The following PPP1R9A variants were observed in gnomAD, a reference collection of about 807,000 sequenced individuals.
PPP1R9A encodes the protein protein phosphatase 1 regulatory subunit 9A.
Under a neutral mutation model 141.9 loss-of-function variants are expected in PPP1R9A, and 59 were observed. The observed-to-expected ratio is 0.42, with a 90% CI of 0.34 to 0.52. PPP1R9A has a LOEUF of 0.52. Ranked by LOEUF, PPP1R9A falls within the 20% of genes least tolerant of loss-of-function variation. The probability of loss-of-function intolerance (pLI) is 0.10; values close to 1 mark genes in which losing one functional copy is unlikely to be tolerated. For missense variants in PPP1R9A, 1,444 were observed against 1,611.9 expected, an observed-to-expected ratio of 0.90 and a Z score of 1.78; for synonymous variants, 500 against 569.7, an observed-to-expected ratio of 0.88 and a Z score of 1.74.
chr7:95,129,445 C>T (rs1457925359), intron 4 of PPP1R9A, among the ~76,000 whole-genome samples: 1 of 152,130 alleles, frequency 6.6e-6, no homozygotes, highest in African/African-American at 2.4e-5. Flanking sequence ...ACTATAAGTC[C>T]AATAAACCTT....
intron 2 of PPP1R9A, among the ~76,000 whole-genome samples, chr7:94,995,980 A>G (rs921386286): frequency 3.3e-5 from 5 of 152,174 alleles, no homozygotes; most frequent in Non-Finnish European, 4.4e-5. Flanking sequence ...CTTGCTTTAA[A>G]AAGTTTTGAA....
At chr7:95,150,703 T>C (rs1186880319) in intron 4 of PPP1R9A, among the ~76,000 whole-genome samples, 1 of 152,138 alleles carries the variant, frequency 6.6e-6, no homozygotes, top group East Asian at 1.9e-4. Context: ...TTGTGATAAG[T>C]AGTGTTAACG....
At position 95,292,466 on chromosome 7, in the gene PPP1R9A, A is replaced by G. The variant is rs550151602; in HGVS notation, c.*2163A>G. ...TCTTAAGTTATGTTTACACTTTGGT[A>G]ATATTTGAAAATGGATGTATATACT... On this transcript the variant is annotated 3_prime_UTR_variant, in exon 20 of 20. Transcript: ENST00000433360. 5.9e-5 allele frequency: 9 copies of G among 152,698 alleles called. 1 individual carries two copies. The highest frequency in any genetic ancestry group is 2.2e-4 in the African/African-American group (9 of 41,550). 9.5% of individuals were successfully genotyped at this position (152,698 alleles called of 1,614,324 possible). A position where few individuals can be genotyped will look rare whatever the true frequency, so the allele number is the denominator to read the frequency against.
At chr7:94,929,271 GACGGACACGT>G (rs1161811188) in intron 2 of PPP1R9A, among the ~76,000 whole-genome samples, 2 of 152,306 alleles carry the variant, frequency 1.3e-5, no homozygotes, top group East Asian at 3.9e-4. Context: ...GCTTGGGAGA[GACGGACACGT>G]AAGTCACAAT....
intron 2 of PPP1R9A, among the ~76,000 whole-genome samples, chr7:95,026,806 A>G (rs1418897908): frequency 6.6e-6 from 1 of 152,124 alleles, no homozygotes; most frequent in Non-Finnish European, 1.5e-5. Context: ...CTGGAGAGGC[A>G]GTCTGGCTAC....
intron 13 of PPP1R9A, among the ~76,000 whole-genome samples, chr7:95,268,921 T>C (rs854523): frequency 0.5 from 75,997 of 152,030 alleles, 19,298 homozygotes; most frequent in Middle Eastern, 0.61. Context: ...GAGCATTATC[T>C]GTATTGTCAT....
At chr7:94,923,348 T>C (rs1793078051) in intron 2 of PPP1R9A, among the ~76,000 whole-genome samples, 1 of 152,230 alleles carries the variant, frequency 6.6e-6, no homozygotes, top group African/African-American at 2.4e-5. Flanking sequence ...AACATGTACT[T>C]AAAGGAAACT....
intron 2 of PPP1R9A, among the ~76,000 whole-genome samples, chr7:95,103,848 G>T (rs60242774): frequency 6.6e-6 from 1 of 152,088 alleles, no homozygotes; most frequent in South Asian, 2.1e-4. Flanking sequence ...TCCCTAGATT[G>T]GTTGGTAAAG....
chr7:95,187,933 A>C (rs868199435), intron 5 of PPP1R9A, among the ~76,000 whole-genome samples: 2 of 152,086 alleles, frequency 1.3e-5, no homozygotes, highest in African/African-American at 4.8e-5. Flanking sequence ...TTATTGGTCT[A>C]TCTTCGAGAA....
chr7:95,225,955 T>C lies in PPP1R9A; in HGVS notation c.1957-6T>C. 6.3e-7 allele frequency: 1 copy of C among 1,595,534 alleles called. No homozygotes were observed. The highest frequency in any genetic ancestry group is 8.6e-7 in the Non-Finnish European group (1 of 1,165,372). ...AGCTGGATTTCTGAAATCCCCTTCC[T>C]TTCAGACAGGAGAATATGCCACAGA... On this transcript the variant is annotated splice_region_variant and splice_polypyrimidine_tract_variant and intron_variant, in intron 7 of 19. Coordinates refer to ENST00000433360, the MANE Select transcript of PPP1R9A (RefSeq NM_001166160.2).
At chr7:95,083,365 CACATT>C (rs1563213202) in intron 2 of PPP1R9A, among the ~76,000 whole-genome samples, 1 of 151,836 alleles carries the variant, frequency 6.6e-6, no homozygotes, top group Non-Finnish European at 1.5e-5. Flanking sequence ...AGACACCTGT[CACATT>C]ACATTCTTCA....
At chr7:95,073,508 C>T (rs898171061) in intron 2 of PPP1R9A, among the ~76,000 whole-genome samples, 1 of 151,666 alleles carries the variant, frequency 6.6e-6, no homozygotes, top group Non-Finnish European at 1.5e-5. Context: ...TTGCAGCTAC[C>T]TTTCTCTAAA....
At chr7:95,119,568 C>T (rs1456030235) in intron 3 of PPP1R9A, among the ~76,000 whole-genome samples, 1 of 152,134 alleles carries the variant, frequency 6.6e-6, no homozygotes, top group Non-Finnish European at 1.5e-5. Context: ...GATCCTCCCA[C>T]GTCAGCCCCC....
chr7:95,130,209 C>T (rs920750989), intron 4 of PPP1R9A, among the ~76,000 whole-genome samples: 1 of 152,110 alleles, frequency 6.6e-6, no homozygotes, highest in African/African-American at 2.4e-5. Flanking sequence ...GCTGCTTGCA[C>T]CCTAGGGACT....
intron 2 of PPP1R9A, 121 bp from the exon 3 acceptor site, chr7:95,111,138 A>T: frequency 9.0e-7 from 1 of 1,106,640 alleles, no homozygotes; most frequent in Non-Finnish European, 1.2e-6. Context: ...AATTGATTTT[A>T]AAGACAAAAC....
At chr7:95,007,747 G>A (rs1803821373) in intron 2 of PPP1R9A, among the ~76,000 whole-genome samples, 1 of 152,068 alleles carries the variant, frequency 6.6e-6, no homozygotes. Flanking sequence ...ACTATCCTTA[G>A]TATTCCATAT....
At chr7:94,953,554 T>C (rs940973667) in intron 2 of PPP1R9A, among the ~76,000 whole-genome samples, 5 of 152,204 alleles carry the variant, frequency 3.3e-5, no homozygotes, top group African/African-American at 1.2e-4. Context: ...TTGGGCAGTA[T>C]GGCCATTTTC....
intron 6 of PPP1R9A, chr7:95,202,680 A>G (rs1465638561): frequency 3.5e-6 from 2 of 579,268 alleles, no homozygotes; most frequent in East Asian, 1.4e-4. Context: ...GTAACATTTA[A>G]TCTCTTGTCA....
intron 2 of PPP1R9A, among the ~76,000 whole-genome samples, chr7:95,047,266 A>C (rs557927364): frequency 1.3e-5 from 2 of 152,170 alleles, no homozygotes; most frequent in Non-Finnish European, 2.9e-5. Context: ...AGGGACTATT[A>C]AGCAGTGTTT....
Sources: allele counts gnomAD v4.1 joint callset (sites outside exome capture counted in the v4.1 genomes callset), GRCh38; gene constraint gnomAD v4.1.1; transcripts MANE v1.5; gene names NCBI Gene and HGNC (gene_info 2026-07-23, HGNC 2026-07-21).